Variants in CAMKMT observed in about 807,000 individuals in gnomAD.
CAMKMT encodes the protein calmodulin-lysine N-methyltransferase.
In CAMKMT, 53 loss-of-function variants were observed where a neutral mutation model predicts 48.0. That is an observed-to-expected ratio of 1.10 (90% confidence interval 0.89 to 1.39). The LOEUF (loss-of-function observed/expected upper bound fraction) is 1.39, where lower values mean the gene tolerates loss of function less well. Ranked by LOEUF, CAMKMT falls within the 40% of genes most tolerant of loss-of-function variation. The pLI is 0.00. For missense variants in CAMKMT, 428 were observed against 402.7 expected (o/e 1.06, Z -0.54); for synonymous variants, 165 against 152.3 (o/e 1.08, Z -0.61).
chr2:44,669,461 G>A (rs1490594103), intron 3 of CAMKMT, among the ~76,000 whole-genome samples: 1 of 152,096 alleles, frequency 6.6e-6, no homozygotes, highest in Admixed American at 6.6e-5. Context: ...GAATTAGTGG[G>A]TTGCCTTTAC....
intron 3 of CAMKMT, among the ~76,000 whole-genome samples, chr2:44,469,345 A>G (rs1261117811): frequency 1.0e-5 from 1 of 96,394 alleles, no homozygotes; most frequent in African/African-American, 4.1e-5. Flanking sequence ...ATCTTATTAA[A>G]CCTGATTTTT....
chr2:44,772,128 C>T lies in CAMKMT; in HGVS notation c.*15C>T, dbSNP rs374599894. ...AACATGGATAGAAGATTAAGCTTCT[C>T]AAAGACGAAGAAACGTATCAAGTGC... On this transcript the variant is annotated 3_prime_UTR_variant, in exon 11 of 11. Coordinates refer to ENST00000378494, the MANE Select transcript of CAMKMT (RefSeq NM_024766.5). 203 of 1,603,280 alleles carry T rather than the reference C, an allele frequency of 1.3e-4. No individual in the cohort carries two copies. Among genetic ancestry groups the T allele is most frequent in the Non-Finnish European group, 1.7e-4 (196 of 1,172,326 alleles).
intron 3 of CAMKMT, among the ~76,000 whole-genome samples, chr2:44,521,446 T>C (rs1671105226): frequency 6.6e-6 from 1 of 151,920 alleles, no homozygotes; most frequent in African/African-American, 2.4e-5. Flanking sequence ...ACCTGGCCAA[T>C]GTTTTGTATT....
intron 3 of CAMKMT, among the ~76,000 whole-genome samples, chr2:44,617,812 G>A (rs1327553440): frequency 6.6e-6 from 1 of 152,184 alleles, no homozygotes; most frequent in African/African-American, 2.4e-5. Flanking sequence ...GATGATATTG[G>A]ACAACAGATT....
At chr2:44,622,853 T>C (rs1266165526) in intron 3 of CAMKMT, among the ~76,000 whole-genome samples, 1 of 152,214 alleles carries the variant, frequency 6.6e-6, no homozygotes, top group Non-Finnish European at 1.5e-5. Context: ...ATATATCCAG[T>C]AATGGGATTG....
At chr2:44,586,283 C>T (rs868545013) in intron 3 of CAMKMT, among the ~76,000 whole-genome samples, 16 of 152,100 alleles carry the variant, frequency 1.1e-4, no homozygotes, top group South Asian at 2.1e-4. Context: ...ATACATTGCA[C>T]GTATCTCAAG....
At chr2:44,703,854 G>A (rs567460078) in intron 3 of CAMKMT, among the ~76,000 whole-genome samples, 14 of 151,310 alleles carry the variant, frequency 9.3e-5, no homozygotes, top group East Asian at 1.9e-4. Context: ...GTGTAGTGAC[G>A]TCAGTGGTTT....
intron 3 of CAMKMT, among the ~76,000 whole-genome samples, chr2:44,652,273 C>T (rs2078351): frequency 0.067 from 10,155 of 152,246 alleles, 554 homozygotes; most frequent in Admixed American, 0.18. Context: ...ATCCCTTTTA[C>T]TTGTGTTCTT....
At chr2:44,693,575 A>G (rs952952716) in intron 3 of CAMKMT, among the ~76,000 whole-genome samples, 16 of 152,148 alleles carry the variant, frequency 1.1e-4, no homozygotes, top group African/African-American at 3.4e-4. Flanking sequence ...TGACCATGCT[A>G]TCTCCATCCC....
intron 3 of CAMKMT, among the ~76,000 whole-genome samples, chr2:44,481,864 A>G (rs191006315): frequency 6.6e-6 from 1 of 152,076 alleles, no homozygotes; most frequent in East Asian, 1.9e-4. Context: ...AAAAAATGAG[A>G]TATATAGTTA....
chr2:44,401,966 A>G (rs184497759), intron 3 of CAMKMT, among the ~76,000 whole-genome samples: 1 of 152,306 alleles, frequency 6.6e-6, no homozygotes, highest in East Asian at 1.9e-4. Flanking sequence ...TATAAACTCC[A>G]GTAGCTTCCT....
chr2:44,435,000 C>T (rs546683420), intron 3 of CAMKMT, among the ~76,000 whole-genome samples: 2 of 152,020 alleles, frequency 1.3e-5, no homozygotes, highest in African/African-American at 2.4e-5. Flanking sequence ...CTCTGGGGCA[C>T]GTATGTTTTC....
At chr2:44,554,189 A>G (rs1667883908) in intron 3 of CAMKMT, among the ~76,000 whole-genome samples, 1 of 152,244 alleles carries the variant, frequency 6.6e-6, no homozygotes, top group South Asian at 2.1e-4. Flanking sequence ...CAACTAAGAT[A>G]GAGTTTATAC....
Position 44,611,107 on chromosome 2 carries a change from A to G in CAMKMT, c.377-93176A>G, listed in dbSNP as rs61141212. 4.5e-4 allele frequency among the ~76,000 whole-genome samples: 68 copies of G among 152,262 alleles called. No homozygotes were observed. In the East Asian group the frequency reaches 0.011, roughly 24 times the overall value. On this transcript the variant is annotated intron_variant, in intron 3 of 10. Transcript: ENST00000378494. ...ATTCCCAATATGTTCCTGAAGGCAT[A>G]TTCTATGGTTAGGCTGAGTCCATTT...
intron 2 of CAMKMT, among the ~76,000 whole-genome samples, chr2:44,377,286 C>T (rs770592740): frequency 2.0e-5 from 3 of 152,066 alleles, no homozygotes; most frequent in Admixed American, 6.6e-5. Context: ...GGATTACAGG[C>T]GTAAGCCACT....
intron 10 of CAMKMT, among the ~76,000 whole-genome samples, chr2:44,771,615 T>C (rs1198206393): frequency 6.6e-6 from 1 of 152,210 alleles, no homozygotes; most frequent in Admixed American, 6.5e-5. Context: ...TGTGCCCAGA[T>C]GTTGCCACGG....
chr2:44,707,798 G>A (rs1250475950), intron 6 of CAMKMT, among the ~76,000 whole-genome samples: 1 of 151,924 alleles, frequency 6.6e-6, no homozygotes, highest in Admixed American at 6.6e-5. Flanking sequence ...CAAATTATTT[G>A]GTATTTATTG....
chr2:44,499,343 T>G (rs1185949916), intron 3 of CAMKMT, among the ~76,000 whole-genome samples: 1 of 152,210 alleles, frequency 6.6e-6, no homozygotes, highest in East Asian at 1.9e-4. Context: ...TAGGATCATG[T>G]AAAAGACCTG....
intron 9 of CAMKMT, among the ~76,000 whole-genome samples, chr2:44,762,668 T>C (rs1680668687): frequency 6.6e-6 from 1 of 152,116 alleles, no homozygotes; most frequent in Non-Finnish European, 1.5e-5. Flanking sequence ...AAAAATAAAA[T>C]AAAAATAAAT....
Sources: gnomAD v4.1 joint callset for allele counts (sites outside exome capture counted in the v4.1 genomes callset) on GRCh38, gnomAD v4.1.1 for gene constraint, MANE v1.5 for transcripts, NCBI Gene and HGNC (gene_info 2026-07-23, HGNC 2026-07-21) for gene names.